The following SARNP variants were observed in gnomAD, a reference collection of about 807,000 sequenced individuals.
SARNP encodes the protein SAP domain-containing ribonucleoprotein.
SARNP carries 5 observed loss-of-function variants against 38.1 expected under a neutral mutation model. That is an observed-to-expected ratio of 0.13 (90% CI 0.07 to 0.28). SARNP has a LOEUF of 0.28. SARNP is among the 10% of genes least tolerant of loss of function. SARNP has a pLI of 1.00. For missense variants in SARNP, 180 were observed against 243.9 expected, an observed-to-expected ratio of 0.74 and a Z score of 1.75; for synonymous variants, 84 against 80.6, an observed-to-expected ratio of 1.04 and a Z score of -0.23.
At chr12:55,784,294 A>C (rs892936511) in intron 9 of SARNP, among the ~76,000 whole-genome samples, 9 of 152,214 alleles carry the variant, frequency 5.9e-5, no homozygotes, top group African/African-American at 1.9e-4. Flanking sequence ...TGAAGTGGAC[A>C]AAAGTATGCT....
At chr12:55,763,559 C>T (rs1878740910) in intron 9 of SARNP, among the ~76,000 whole-genome samples, 1 of 152,158 alleles carries the variant, frequency 6.6e-6, no homozygotes, top group Admixed American at 6.5e-5. Context: ...CCGCCCACTT[C>T]GCCTTCCAAA....
chr12:55,794,250 G>A, intron 7 of SARNP, 109 bp downstream of exon 7: 2 of 969,124 alleles, frequency 2.1e-6, no homozygotes, highest in Non-Finnish European at 3.3e-6. Context: ...ATCTCTTAAA[G>A]AGTTTCTACA....
intron 5 of SARNP, among the ~76,000 whole-genome samples, chr12:55,795,240 G>A (rs1233331422): frequency 2.0e-5 from 3 of 152,084 alleles, no homozygotes; most frequent in South Asian, 2.1e-4. Flanking sequence ...GATTACAAGC[G>A]TGAGCCACCT....
Position 55,757,281 on chromosome 12 carries a change from ATT to A in SARNP, c.*229_*230del. ...AATAAAACACATTGTTCTCTTTTCT[ATT>A]TTTTTTTATTAACAAGCAACATAAT... On this transcript the variant is annotated 3_prime_UTR_variant, in exon 11 of 11. Transcript: ENST00000336133. 2.6e-6 allele frequency: 1 copy of A among 380,226 alleles called. No homozygotes were observed. The highest frequency in any genetic ancestry group is 4.7e-6 in the Non-Finnish European group (1 of 210,620). The allele number at this position is 380,226 out of a possible 1,614,324, so 23.6% of individuals were successfully genotyped here.
chr12:55,799,027 T>C (rs572078587), intron 4 of SARNP, among the ~76,000 whole-genome samples: 52 of 152,220 alleles, frequency 3.4e-4, no homozygotes, highest in African/African-American at 1.2e-3. Flanking sequence ...AATTTCCAGA[T>C]GTGAAAAAAA....
chr12:55,795,604 G>C (rs1009787510), intron 5 of SARNP, among the ~76,000 whole-genome samples: 2 of 152,140 alleles, frequency 1.3e-5, no homozygotes, highest in African/African-American at 4.8e-5. Flanking sequence ...TCTCTACTTT[G>C]CAAGTATGAT....
At chr12:55,800,433 A>C (rs1006187063) in intron 4 of SARNP, 129 bp downstream of exon 4, 7 of 648,980 alleles carry the variant, frequency 1.1e-5, no homozygotes, top group Non-Finnish European at 1.5e-5. Flanking sequence ...TCTAAAAAAC[A>C]AAAAAATGAC....
chr12:55,754,738 A>G (rs1383438521), downstream of SARNP: 1 of 152,274 alleles, frequency 6.6e-6, no homozygotes, highest in African/African-American at 2.4e-5. Context: ...GTGTGAATAC[A>G]TGATATGAGA....
intron 9 of SARNP, among the ~76,000 whole-genome samples, chr12:55,780,779 G>C (rs886556644): frequency 6.6e-6 from 1 of 152,222 alleles, no homozygotes; most frequent in Non-Finnish European, 1.5e-5. Context: ...TAATGGGGAA[G>C]TAGTAGGGAT....
intron 4 of SARNP, among the ~76,000 whole-genome samples, chr12:55,797,445 G>T (rs1164146170): frequency 6.6e-6 from 1 of 152,166 alleles, no homozygotes; most frequent in Non-Finnish European, 1.5e-5. Flanking sequence ...CTATTCTGAC[G>T]TTTAAAGAAA....
chr12:55,788,492 A>C (rs1249713716), intron 9 of SARNP, among the ~76,000 whole-genome samples: 1 of 152,200 alleles, frequency 6.6e-6, no homozygotes, highest in African/African-American at 2.4e-5. Context: ...CATCTTAACC[A>C]ACAGAAATAT....
Position 55,794,363 on chromosome 12 carries a change from T to C in SARNP, c.402A>G (p.Thr134=), listed in dbSNP as rs937573724. 1 of 1,606,192 alleles carries C rather than the reference T, an allele frequency of 6.2e-7. No homozygotes were observed. ...AARFGISSVP[T]KGLSSDNKPM... ...GAAGTATCTCTGTACTCTTACCTTT[T>C]GTTGGAACTGAAGAAATCCCAAACC... Residue 134 remains threonine (T), a synonymous_variant, in exon 7 of 11, where the codon ACA becomes ACG. Transcript: ENST00000336133.
intron 9 of SARNP, among the ~76,000 whole-genome samples, chr12:55,766,591 C>T (rs1878835961): frequency 9.2e-6 from 1 of 108,950 alleles, no homozygotes; most frequent in Non-Finnish European, 1.7e-5. Flanking sequence ...AAAGCATAGT[C>T]TATATATTTT....
chr12:55,774,590 AAAC>A (rs1565673595), intron 9 of SARNP, among the ~76,000 whole-genome samples: 48 of 148,844 alleles, frequency 3.2e-4, no homozygotes, highest in Admixed American at 1.1e-3. Context: ...AAAAAAAAAA[AAAC>A]AAAAATTAGC....
chr12:55,802,634 T>C (rs1880013817), intron 2 of SARNP, among the ~76,000 whole-genome samples: 1 of 151,850 alleles, frequency 6.6e-6, no homozygotes, highest in South Asian at 2.1e-4. Context: ...ATTATATATA[T>C]ACACAAATAT....
At chr12:55,796,627 T>C (rs1879828392) in intron 4 of SARNP, among the ~76,000 whole-genome samples, 1 of 152,166 alleles carries the variant, frequency 6.6e-6, no homozygotes, top group Non-Finnish European at 1.5e-5. Flanking sequence ...AGTCACGAAC[T>C]CCTGGCCTCA....
At chr12:55,794,091 C>T (rs1036078639) in intron 7 of SARNP, 18 of 433,870 alleles carry the variant, frequency 4.1e-5, no homozygotes, top group Non-Finnish European at 7.0e-5. Flanking sequence ...AATAAGTAAG[C>T]AAAGTACTAG....
chr12:55,792,133 T>C (rs1879689090), intron 7 of SARNP, among the ~76,000 whole-genome samples: 2 of 152,122 alleles, frequency 1.3e-5, no homozygotes, highest in South Asian at 4.1e-4. Context: ...ATTTCTGTTG[T>C]ATCTTCACCA....
chr12:55,813,202 C>A (rs923698677), intron 1 of SARNP, among the ~76,000 whole-genome samples: 2 of 152,126 alleles, frequency 1.3e-5, no homozygotes, highest in Non-Finnish European at 2.9e-5. Context: ...CCTTGGCCTC[C>A]CAAAGTGCTG....
Sources: allele counts gnomAD v4.1 joint callset (sites outside exome capture counted in the v4.1 genomes callset), GRCh38; gene constraint gnomAD v4.1.1; transcripts MANE v1.5; gene names NCBI Gene and HGNC (gene_info 2026-07-23, HGNC 2026-07-21).